NLGN1: variants seen among roughly 807,000 people sequenced by gnomAD.
NLGN1 encodes the protein neuroligin 1.
Under a neutral mutation model 65.5 loss-of-function variants are expected in NLGN1, and 12 were observed. The ratio of observed to expected loss-of-function variants is 0.18; its 90% confidence interval spans 0.12 to 0.30. NLGN1 has a LOEUF of 0.30. Ranked by LOEUF, NLGN1 falls within the 10% of genes least tolerant of loss-of-function variation. NLGN1 has a pLI of 1.00. For synonymous variants in NLGN1, 350 were observed against 359.5 expected, an observed-to-expected ratio of 0.97 and a Z score of 0.30; for missense variants, 750 against 1,007.1, an observed-to-expected ratio of 0.74 and a Z score of 3.46.
intron 3 of NLGN1, among the ~76,000 whole-genome samples, chr3:173,689,333 C>A (rs950488150): frequency 1.3e-5 from 2 of 152,136 alleles, no homozygotes; most frequent in Non-Finnish European, 2.9e-5. Context: ...AAGGAGGCTT[C>A]CCCTGGGAAG....
At chr3:173,456,313 C>T (rs1722508470) in intron 2 of NLGN1, among the ~76,000 whole-genome samples, 1 of 152,000 alleles carries the variant, frequency 6.6e-6, no homozygotes, top group African/African-American at 2.4e-5. Flanking sequence ...GCAGCATTTA[C>T]TAGTGTGGCA....
At chr3:173,631,711 GT>G (rs1755713776) in intron 3 of NLGN1, among the ~76,000 whole-genome samples, 1 of 152,092 alleles carries the variant, frequency 6.6e-6, no homozygotes, top group Non-Finnish European at 1.5e-5. Flanking sequence ...GAATGATATA[GT>G]TATTTGCTCA....
intron 3 of NLGN1, among the ~76,000 whole-genome samples, chr3:173,726,369 T>C (rs1183877362): frequency 6.6e-6 from 1 of 152,026 alleles, no homozygotes; most frequent in Non-Finnish European, 1.5e-5. Flanking sequence ...GCAAGGTAAT[T>C]AATCTATCAT....
chr3:173,748,791 G>A (rs1342896242), intron 3 of NLGN1, among the ~76,000 whole-genome samples: 1 of 152,066 alleles, frequency 6.6e-6, no homozygotes. Context: ...TTATCTGAAA[G>A]CTACATTTGT....
chr3:173,886,149 C>T (rs939753371), intron 4 of NLGN1, among the ~76,000 whole-genome samples: 2 of 151,908 alleles, frequency 1.3e-5, no homozygotes, highest in Admixed American at 1.3e-4. Context: ...CATGTAAGAT[C>T]GTGGCAACAT....
intron 4 of NLGN1, among the ~76,000 whole-genome samples, chr3:173,847,909 A>T (rs916314221): frequency 9.9e-5 from 15 of 152,258 alleles, no homozygotes; most frequent in Admixed American, 4.6e-4. Context: ...ATTAAAATAG[A>T]ATGTACTATA....
chr3:173,516,050 AT>A (rs1733759632), intron 2 of NLGN1, among the ~76,000 whole-genome samples: 1 of 151,888 alleles, frequency 6.6e-6, no homozygotes, highest in South Asian at 2.1e-4. Flanking sequence ...TTACAAATTT[AT>A]TTTTTTGACT....
At chr3:173,975,533 T>C (rs6809224) in intron 4 of NLGN1, among the ~76,000 whole-genome samples, 1 of 152,060 alleles carries the variant, frequency 6.6e-6, no homozygotes, top group South Asian at 2.1e-4. Context: ...CTTCAAAGTG[T>C]AATCGTTCTT....
chr3:173,518,129 C>A (rs1161684204), intron 2 of NLGN1, among the ~76,000 whole-genome samples: 2 of 152,158 alleles, frequency 1.3e-5, no homozygotes, highest in Non-Finnish European at 2.9e-5. Flanking sequence ...TCTTCAACTG[C>A]CTTCAGGCAA....
At chr3:173,970,408 TG>T (rs1357406400) in intron 4 of NLGN1, among the ~76,000 whole-genome samples, 1 of 152,140 alleles carries the variant, frequency 6.6e-6, no homozygotes, top group Non-Finnish European at 1.5e-5. Flanking sequence ...CTAGAAGGAA[TG>T]GCAATTTAAG....
intron 2 of NLGN1, among the ~76,000 whole-genome samples, chr3:173,575,779 C>T (rs998472038): frequency 1.3e-5 from 2 of 152,010 alleles, no homozygotes; most frequent in African/African-American, 4.8e-5. Context: ...CGTTTCTTTT[C>T]AGATCTTTCT....
intron 2 of NLGN1, among the ~76,000 whole-genome samples, chr3:173,479,401 G>T (rs1726850395): frequency 6.6e-6 from 1 of 152,132 alleles, no homozygotes; most frequent in Non-Finnish European, 1.5e-5. Context: ...CTCATAATTG[G>T]GTAGGTCAGG....
intron 3 of NLGN1, among the ~76,000 whole-genome samples, chr3:173,802,514 AC>A (rs1715652511): frequency 2.0e-5 from 3 of 152,316 alleles, no homozygotes; most frequent in South Asian, 2.1e-4. Context: ...GGGAAAAGAA[AC>A]CTTTTATAGA....
At chr3:173,830,621 T>G (rs1722340726) in intron 4 of NLGN1, among the ~76,000 whole-genome samples, 2 of 152,276 alleles carry the variant, frequency 1.3e-5, no homozygotes, top group South Asian at 2.1e-4. Context: ...TAAATGAAAC[T>G]CATAAATATA....
At chr3:173,777,026 A>G (rs77660455) in intron 3 of NLGN1, among the ~76,000 whole-genome samples, 1 of 152,074 alleles carries the variant, frequency 6.6e-6, no homozygotes, top group Non-Finnish European at 1.5e-5. Context: ...AGTGATTAAA[A>G]TCTCAAGCTC....
intron 4 of NLGN1, among the ~76,000 whole-genome samples, chr3:173,965,816 C>T (rs146529918): frequency 6.6e-6 from 1 of 152,118 alleles, no homozygotes; most frequent in East Asian, 1.9e-4. Context: ...AAGAGCTAAA[C>T]AGCTAAAGAG....
chr3:173,561,112 C>T (rs1274641226), intron 2 of NLGN1, among the ~76,000 whole-genome samples: 2 of 152,154 alleles, frequency 1.3e-5, no homozygotes, highest in African/African-American at 4.8e-5. Context: ...CAAGTAATTT[C>T]TTCTGGGCAT....
At chr3:174,147,657 T>A (rs1236331766) in intron 4 of NLGN1, among the ~76,000 whole-genome samples, 1 of 151,812 alleles carries the variant, frequency 6.6e-6, no homozygotes, top group Non-Finnish European at 1.5e-5. Flanking sequence ...TGGAAAGTAA[T>A]TTTTGAAAAT....
At chr3:173,733,155 A>G (rs901885) in intron 3 of NLGN1, among the ~76,000 whole-genome samples, 15,298 of 152,146 alleles carry the variant, frequency 0.1, 763 homozygotes, top group Middle Eastern at 0.13. Context: ...CTTCATTCCT[A>G]TGAAAACTTG....
Sources: gnomAD v4.1 joint callset for allele counts (sites outside exome capture counted in the v4.1 genomes callset) on GRCh38, gnomAD v4.1.1 for gene constraint, MANE v1.5 for transcripts, NCBI Gene and HGNC (gene_info 2026-07-23, HGNC 2026-07-21) for gene names.